Variants in TSHZ2 observed in about 807,000 individuals in gnomAD.
TSHZ2 encodes the protein teashirt homolog 2.
A neutral mutation model predicts 74.4 loss-of-function variants in TSHZ2; 21 were observed. That is an observed-to-expected ratio of 0.28 (90% confidence interval 0.20 to 0.41). TSHZ2 has a LOEUF of 0.41. Ranked by LOEUF, TSHZ2 falls within the 10% of genes least tolerant of loss-of-function variation. TSHZ2 has a pLI of 1.00. For synonymous variants in TSHZ2, 540 were observed against 515.3 expected (o/e 1.05, Z -0.65); for missense variants, 1,244 against 1,293.5 (o/e 0.96, Z 0.59).
intron 1 of TSHZ2, among the ~76,000 whole-genome samples, chr20:53,059,458 C>T (rs533265968): frequency 6.6e-6 from 1 of 152,156 alleles, no homozygotes; most frequent in East Asian, 1.9e-4. Context: ...ATAAATACCC[C>T]CGTCCCTCCC....
At chr20:53,420,195 G>A (rs1169652594) in intron 2 of TSHZ2, among the ~76,000 whole-genome samples, 1 of 152,236 alleles carries the variant, frequency 6.6e-6, no homozygotes, top group African/African-American at 2.4e-5. Context: ...ATGGTGGCAG[G>A]GTGGGAAAAC....
At chr20:53,170,675 C>A (rs1035648478) in intron 1 of TSHZ2, among the ~76,000 whole-genome samples, 1 of 152,160 alleles carries the variant, frequency 6.6e-6, no homozygotes, top group Admixed American at 6.5e-5. Context: ...CAGTTGTGAA[C>A]GCTGAAATGT....
At chr20:53,182,092 T>G (rs1311765942) in intron 1 of TSHZ2, among the ~76,000 whole-genome samples, 2 of 151,098 alleles carry the variant, frequency 1.3e-5, no homozygotes, top group African/African-American at 2.4e-5. Flanking sequence ...CGGCCTGCCT[T>G]CCTTTCCTTC....
At chr20:53,194,215 G>C (rs1028404973) in intron 1 of TSHZ2, among the ~76,000 whole-genome samples, 1 of 152,156 alleles carries the variant, frequency 6.6e-6, no homozygotes, top group African/African-American at 2.4e-5. Context: ...TTTGTTGGGA[G>C]CCTGCTGTTG....
chr20:52,984,981 T>G (rs1981700021), intron 1 of TSHZ2, among the ~76,000 whole-genome samples: 1 of 152,222 alleles, frequency 6.6e-6, no homozygotes, highest in Non-Finnish European at 1.5e-5. Context: ...TACTGCAAAT[T>G]GTCAGTCTAT....
At position 53,255,025 on chromosome 20, in the gene TSHZ2, A is replaced by T; in HGVS notation, c.1567A>T (p.Thr523Ser). ...GGDILKSLENTVTTAINKAQN... is the reference protein window; with the variant it reads ...GGDILKSLENSVTTAINKAQN... ...GGACATTTTGAAATCTTTGGAAAAT[A>T]CTGTCACCACAGCCATCAACAAAGC... The change falls in exon 2 of 3, where the codon ACT becomes TCT. Residue 523 changes from threonine (T) to serine (S), a missense_variant. Physicochemically the swap from Thr to Ser is moderately conservative, Grantham distance 58. Around this residue, in one of 6 missense-constraint regions of TSHZ2, gnomAD observed 562 missense variants for 544.0 expected, o/e 1.03. Transcript: ENST00000371497. The surrounding 1 kb of genome is among the most constrained non-coding windows in gnomAD (Gnocchi z 4.1). 1 of 1,614,176 alleles carries T rather than the reference A, an allele frequency of 6.2e-7. No individual in the cohort carries two copies. The highest frequency in any genetic ancestry group is 8.5e-7 in the Non-Finnish European group (1 of 1,180,046).
chr20:53,076,768 A>C (rs1985376201), intron 1 of TSHZ2, among the ~76,000 whole-genome samples: 1 of 152,226 alleles, frequency 6.6e-6, no homozygotes, highest in Non-Finnish European at 1.5e-5. Flanking sequence ...GAACTTAGGA[A>C]AACACAACCT....
At chr20:53,241,121 C>T (rs565504519) in intron 1 of TSHZ2, among the ~76,000 whole-genome samples, 8 of 152,280 alleles carry the variant, frequency 5.3e-5, no homozygotes, top group African/African-American at 1.9e-4. Context: ...AAGATGACAG[C>T]TCTTGGAAAT....
intron 1 of TSHZ2, among the ~76,000 whole-genome samples, chr20:53,007,275 T>C (rs1050090591): frequency 6.6e-6 from 1 of 151,990 alleles, no homozygotes; most frequent in African/African-American, 2.4e-5. Context: ...AGCAGGTGCA[T>C]GGACAGAGGA....
intron 2 of TSHZ2, among the ~76,000 whole-genome samples, chr20:53,345,530 G>T (rs1980403399): frequency 6.6e-6 from 1 of 152,132 alleles, no homozygotes; most frequent in Non-Finnish European, 1.5e-5. Flanking sequence ...CATCTAGCAA[G>T]CATTTTATGA....
intron 2 of TSHZ2, among the ~76,000 whole-genome samples, chr20:53,339,572 C>T (rs1309342557): frequency 6.6e-6 from 1 of 152,168 alleles, no homozygotes; most frequent in Non-Finnish European, 1.5e-5. Flanking sequence ...AATGAGCATT[C>T]AGGATCCCCT....
At chr20:53,069,014 C>G (rs1253066744) in intron 1 of TSHZ2, among the ~76,000 whole-genome samples, 1 of 151,878 alleles carries the variant, frequency 6.6e-6, no homozygotes, top group Non-Finnish European at 1.5e-5. Context: ...ACAACTGTGT[C>G]GAGTGTTAGG....
At chr20:53,170,735 A>C (rs1421890857) in intron 1 of TSHZ2, among the ~76,000 whole-genome samples, 1 of 152,210 alleles carries the variant, frequency 6.6e-6, no homozygotes, top group Non-Finnish European at 1.5e-5. Context: ...AGCGGTACTA[A>C]AATAGACCTT....
intron 1 of TSHZ2, among the ~76,000 whole-genome samples, chr20:53,122,300 A>AAAAG (rs200784987): frequency 6.9e-6 from 1 of 145,956 alleles, no homozygotes; most frequent in Non-Finnish European, 1.5e-5. Flanking sequence ...AAAAAAAAAA[A>AAAAG]AAAGAAAGAA....
intron 2 of TSHZ2, among the ~76,000 whole-genome samples, chr20:53,333,715 C>G (rs1239122624): frequency 1.3e-5 from 2 of 152,202 alleles, no homozygotes; most frequent in African/African-American, 4.8e-5. Context: ...CTTGGCCTCC[C>G]AAAGTGCTGG....
chr20:53,008,842 A>C (rs1204502929), intron 1 of TSHZ2, among the ~76,000 whole-genome samples: 1 of 152,152 alleles, frequency 6.6e-6, no homozygotes, highest in Non-Finnish European at 1.5e-5. Context: ...TCTTATACAT[A>C]TTATGTTTTT....
intron 2 of TSHZ2, among the ~76,000 whole-genome samples, chr20:53,300,173 G>A (rs898003328): frequency 2.0e-5 from 3 of 152,132 alleles, no homozygotes; most frequent in African/African-American, 7.2e-5. Context: ...TCCCACAGAC[G>A]TTCACATTTT....
At chr20:53,225,085 G>T (rs1309961470) in intron 1 of TSHZ2, among the ~76,000 whole-genome samples, 1 of 152,198 alleles carries the variant, frequency 6.6e-6, no homozygotes, top group Non-Finnish European at 1.5e-5. Context: ...CTAAGTAAAT[G>T]AATCAGTATG....
chr20:53,214,666 T>A (rs1015498078), intron 1 of TSHZ2, among the ~76,000 whole-genome samples: 5 of 151,958 alleles, frequency 3.3e-5, no homozygotes, highest in Non-Finnish European at 7.4e-5. Context: ...TGACCAGAGA[T>A]CATGCCACTG....
Sources: gnomAD v4.1 joint callset for allele counts (sites outside exome capture counted in the v4.1 genomes callset) on GRCh38, gnomAD v4.1.1 for gene constraint, gnomAD v4.1.1 regional missense constraint, Gnocchi (gnomAD v3.1) non-coding constraint, MANE v1.5 for transcripts, NCBI Gene and HGNC (gene_info 2026-07-23, HGNC 2026-07-21) for gene names.